The following FAM110A variants were observed in gnomAD, a reference collection of about 807,000 sequenced individuals.
The protein encoded by FAM110A is protein FAM110A.
FAM110A carries 1 observed loss-of-function variant against 4.0 expected under a neutral mutation model. That is an observed-to-expected ratio of 0.25 (90% CI 0.09 to 1.20). FAM110A has a LOEUF of 1.20. Ranked by LOEUF, FAM110A falls within the 50% of genes most tolerant of loss-of-function variation. The probability of loss-of-function intolerance (pLI) is 0.50; values close to 1 mark genes in which losing one functional copy is unlikely to be tolerated. For missense variants in FAM110A, 436 were observed against 429.2 expected, an observed-to-expected ratio of 1.02 and a Z score of -0.14; for synonymous variants, 217 against 196.8, an observed-to-expected ratio of 1.10 and a Z score of -0.86.
rs781742801 is a variant in FAM110A, at chr20:845,393, A to T, written c.589A>T (p.Arg197Trp). The T allele has an allele frequency of 3.7e-6, 6 of 1,613,284 alleles. No individual in the cohort carries two copies. The East Asian group carries it at 1.3e-4, about 36-fold the overall frequency. ...SKSDLSERFS[R>W]AAADLERFFN... Reference sequence around the variant, plus strand: ...GTCGGACTTGAGCGAGCGCTTTTCTAGGGCAGCCGCTGATCTCGAGCGCTT... The same window carrying T: ...GTCGGACTTGAGCGAGCGCTTTTCTTGGGCAGCCGCTGATCTCGAGCGCTT... Residue 197 changes from arginine to tryptophan, a missense_variant, in exon 2 of 2, where the codon AGG becomes TGG. Transcript: ENST00000381941.
Position 840,840 on chromosome 20 carries a change from T to C in FAM110A, c.-97-3868T>C, listed in dbSNP as rs1282037300. Reference sequence around the variant, plus strand: ...GCCTCTCTCAGCCTCAGTTTACCATTAGTCAAATGGGGTAACAATAGAACT... The same window carrying C: ...GCCTCTCTCAGCCTCAGTTTACCATCAGTCAAATGGGGTAACAATAGAACT... On this transcript the variant is annotated intron_variant, in intron 1 of 1. Transcript: ENST00000381941. The surrounding 1 kb of genome is among the most constrained non-coding windows in gnomAD (Gnocchi z 4.4). 6.6e-6 allele frequency among the ~76,000 whole-genome samples: 1 copy of C among 152,210 alleles called. No homozygotes were observed. The highest frequency in any genetic ancestry group is 1.5e-5 in the Non-Finnish European group (1 of 68,040).
At position 834,620 on chromosome 20, in the gene FAM110A, C is replaced by T. The variant is rs1979478397; in HGVS notation, c.-98+669C>T. 6.6e-6 allele frequency among the ~76,000 whole-genome samples: 1 copy of T among 152,206 alleles called. No individual in the cohort carries two copies. Among genetic ancestry groups the T allele is most frequent in the Admixed American group, 6.5e-5 (1 of 15,280 alleles). ...CAGACCCTGCTGTGTCTCCTGGGGACACCCCCTGCCCCCTAGGTTGCTATT... is the reference window on the plus strand; with the variant it reads ...CAGACCCTGCTGTGTCTCCTGGGGATACCCCCTGCCCCCTAGGTTGCTATT... On this transcript the variant is annotated intron_variant, in intron 1 of 1. Transcript: ENST00000381941. This position sits in a 1 kb window ranked among gnomAD's most constrained non-coding sequence, Gnocchi z 5.6.
At chr20:839,536 C>G in intron 1 of FAM110A, 1 of 1,041,012 alleles carries the variant, frequency 9.6e-7, no homozygotes, top group Non-Finnish European at 1.5e-6. Context: ...GCTTTCTTGT[C>G]AGCACCAGGG....
At chr20:843,149 C>T (rs6038939) in intron 1 of FAM110A, among the ~76,000 whole-genome samples, 47,319 of 151,756 alleles carry the variant, frequency 0.31, 8,135 homozygotes, top group African/African-American at 0.45. Context: ...AGAAACAGGA[C>T]GTGGTATTGA....
rs1979459664 is a variant in FAM110A at position 834,214 on chromosome 20, T to C, written c.-98+263T>C. Among the ~76,000 whole-genome samples the C allele has an allele frequency of 6.6e-6, 1 of 152,218 alleles. No homozygotes were observed. Among genetic ancestry groups the C allele is most frequent in the Admixed American group, 6.5e-5 (1 of 15,286 alleles). On this transcript the variant is annotated intron_variant, in intron 1 of 1. Transcript: ENST00000381941. The surrounding 1 kb of genome is among the most constrained non-coding windows in gnomAD (Gnocchi z 5.6). ...CCAGACGGGCAACTGGTAGTCATTTTCCCAGCGTTTTATCGGCAGGGACCT... is the reference window on the plus strand; with the variant it reads ...CCAGACGGGCAACTGGTAGTCATTTCCCCAGCGTTTTATCGGCAGGGACCT...
rs144523146 is a variant in FAM110A, at chr20:840,709, C to A, written c.-97-3999C>A. ...AGCATGGAGCACCAGGAGGGTCCCG[C>A]AGCCTGGTCAGGGACACACAGCTAG... On this transcript the variant is annotated intron_variant, in intron 1 of 1. Coordinates refer to ENST00000381941, the MANE Select transcript of FAM110A (RefSeq NM_001042353.3). This position sits in a 1 kb window ranked among gnomAD's most constrained non-coding sequence, Gnocchi z 4.4. 6.0e-4 allele frequency among the ~76,000 whole-genome samples: 91 copies of A among 152,312 alleles called. 1 individual carries two copies. The highest frequency in any genetic ancestry group is 6.6e-4 in the Non-Finnish European group (45 of 68,034).
In FAM110A at chr20:844,775, A is replaced by C; in HGVS notation, c.-30A>C. 2 of 1,410,212 alleles carry C rather than the reference A, an allele frequency of 1.4e-6. No homozygotes were observed. The highest frequency in any genetic ancestry group is 1.8e-6 in the Non-Finnish European group (2 of 1,087,938). The allele number at this position is 1,410,212 out of a possible 1,614,324, so 87.4% of individuals were successfully genotyped here. A position where few individuals can be genotyped will look rare whatever the true frequency, so the allele number is the denominator to read the frequency against. On this transcript the variant is annotated 5_prime_UTR_variant, in exon 2 of 2. Transcript: ENST00000381941. The stretch of plus-strand genomic sequence containing the variant: ...GGCTCCTCATCTCTCCGGTCTCCGC[A>C]GACTAAAGCCCTCGGGATATGCAGC...
Position 846,117 on chromosome 20 carries a change from C to G in FAM110A, c.*425C>G, listed in dbSNP as rs1980346616. The G allele has an allele frequency of 4.7e-6, 1 of 214,498 alleles. No homozygotes were observed. The highest frequency in any genetic ancestry group is 2.4e-5 in the African/African-American group (1 of 41,926). The allele number at this position is 214,498 out of a possible 1,614,324, so 13.3% of individuals were successfully genotyped here. A position where few individuals can be genotyped will look rare whatever the true frequency, so the allele number is the denominator to read the frequency against. On this transcript the variant is annotated 3_prime_UTR_variant, in exon 2 of 2. Transcript: ENST00000381941. ...ACTTCCTCTTCCTTACCCAGCAGAA[C>G]TCACCCTGGGGTCGGGGCAGTGGGG...
intron 1 of FAM110A, chr20:839,947 T>C: frequency 1.3e-6 from 2 of 1,515,884 alleles, no homozygotes; most frequent in Non-Finnish European, 1.8e-6. Context: ...AGTTCATGAA[T>C]GGCAATCCGG....
chr20:837,604 A>C (rs969564750), intron 1 of FAM110A, among the ~76,000 whole-genome samples: 3 of 152,192 alleles, frequency 2.0e-5, no homozygotes, highest in African/African-American at 7.2e-5. Flanking sequence ...TGAGTATTTT[A>C]TCCAAGGTCT....
rs1979490131 is a variant in FAM110A, at chr20:834,885, A to G, written c.-98+934A>G. ...GGACAGGATCTCCGAGGACTCAGAA[A>G]GAAAACAAGGCTTTCTTTTATTCTT... On this transcript the variant is annotated intron_variant, in intron 1 of 1. Coordinates refer to ENST00000381941, the MANE Select transcript of FAM110A (RefSeq NM_001042353.3). The surrounding 1 kb of genome is among the most constrained non-coding windows in gnomAD (Gnocchi z 5.6). Among the ~76,000 whole-genome samples, 1 of 152,206 alleles carries G rather than the reference A, an allele frequency of 6.6e-6. No homozygotes were observed. The highest frequency in any genetic ancestry group is 2.4e-5 in the African/African-American group (1 of 41,454).
intron 1 of FAM110A, chr20:839,695 G>A (rs1979772287): frequency 1.6e-6 from 2 of 1,240,648 alleles, no homozygotes; most frequent in Non-Finnish European, 2.4e-6. Context: ...GGGGGCAGAT[G>A]TAGGGTGGCA....
chr20:839,984 A>G (rs946551071), intron 1 of FAM110A: 1 of 1,311,142 alleles, frequency 7.6e-7, no homozygotes, highest in African/African-American at 1.4e-5. Context: ...GCATCTTGGC[A>G]GCTGTAGGGT....
At chr20:841,450 C>G (rs75528690) in intron 1 of FAM110A, 18,838 of 152,354 alleles carry the variant, frequency 0.12, 1,476 homozygotes, top group East Asian at 0.32. Context: ...TGGTGCCGCT[C>G]TCTCCCTCAT....
chr20:839,845 C>T (rs1226643436), intron 1 of FAM110A: 30 of 1,605,598 alleles, frequency 1.9e-5, no homozygotes, highest in South Asian at 1.8e-4. Flanking sequence ...GCCTTCATGA[C>T]GTGAAGGTTG....
In FAM110A at chr20:845,907, C is replaced by G. The variant is rs892765724; in HGVS notation, c.*215C>G. 1.4e-5 allele frequency: 13 copies of G among 915,386 alleles called. No homozygotes were observed. The highest frequency in any genetic ancestry group is 3.5e-4 in the Middle Eastern group (1 of 2,858). 56.7% of individuals were successfully genotyped at this position (915,386 alleles called of 1,614,324 possible). ...TCTTGGCTTTGGACACCTGAGAACC[C>G]CCTCCTCCCCTCCCCCAATACAAGG... On this transcript the variant is annotated 3_prime_UTR_variant, in exon 2 of 2. Coordinates refer to ENST00000381941, the MANE Select transcript of FAM110A (RefSeq NM_001042353.3).
chr20:835,239 CAT>C (rs66779518), intron 1 of FAM110A, among the ~76,000 whole-genome samples: 6,019 of 150,636 alleles, frequency 0.04, 221 homozygotes, highest in African/African-American at 0.09. Flanking sequence ...TACACACACA[CAT>C]ATATGTATAT....
Position 845,358 on chromosome 20 carries a change from A to C in FAM110A, c.554A>C (p.Gln185Pro). Residue 185 changes from glutamine (Q) to proline (P), a missense_variant, in exon 2 of 2, where the codon CAA becomes CCA. Physicochemically the swap from Gln to Pro is moderately conservative, Grantham distance 76. Coordinates refer to ENST00000381941, the MANE Select transcript of FAM110A (RefSeq NM_001042353.3). ...AGCCCAGCCCGGCCGCCGGGTTTGCAACGCTCCAAGTCGGACTTGAGCGAG... is the reference window on the plus strand; with the variant it reads ...AGCCCAGCCCGGCCGCCGGGTTTGCCACGCTCCAAGTCGGACTTGAGCGAG... ...ASSPARPPGL[Q>P]RSKSDLSERF... 1 of 1,608,218 alleles carries C rather than the reference A, an allele frequency of 6.2e-7. No individual in the cohort carries two copies. The highest frequency in any genetic ancestry group is 1.3e-5 in the African/African-American group (1 of 74,966).
chr20:836,531 TGTTA>T (rs34903778), intron 1 of FAM110A, among the ~76,000 whole-genome samples: 2,806 of 152,338 alleles, frequency 0.018, 100 homozygotes, highest in African/African-American at 0.063. Flanking sequence ...TTGTTGTATG[TGTTA>T]GAATTTTCTT....
Sources: allele counts gnomAD v4.1 joint callset (sites outside exome capture counted in the v4.1 genomes callset), GRCh38; gene constraint gnomAD v4.1.1; non-coding constraint Gnocchi (gnomAD v3.1); transcripts MANE v1.5; gene names NCBI Gene and HGNC (gene_info 2026-07-23, HGNC 2026-07-21).